Variants in ARSG observed in about 807,000 individuals in gnomAD.
The protein encoded by ARSG is arylsulfatase G.
In ARSG, 37 loss-of-function variants were observed where a neutral mutation model predicts 50.5. The observed-to-expected ratio is 0.73, with a 90% CI of 0.56 to 0.96. The LOEUF is 0.96. Ranked by LOEUF, ARSG falls within the 50% of genes least tolerant of loss-of-function variation. The pLI is 0.00. For missense variants in ARSG, 629 were observed against 675.3 expected (o/e 0.93, Z 0.76); for synonymous variants, 225 against 254.6 (o/e 0.88, Z 1.11).
downstream of ARSG, chr17:68,426,254 G>GGGGCCCCCCCCC: frequency 6.1e-6 from 5 of 816,898 alleles, no homozygotes; most frequent in Non-Finnish European, 7.8e-6. Flanking sequence ...GGGAGCGGGG[G>GGGGCCCCCCCCC]CTCAAATAAA....
At chr17:68,435,546 T>A in the ARSG span, 7 of 1,458,684 alleles carry the variant, frequency 4.8e-6, no homozygotes, top group Non-Finnish European at 6.7e-6. Flanking sequence ...CCAGGTTTGT[T>A]CAATCCCATC....
chr17:68,394,992 G>A, intron 9 of ARSG, 81 bp from the exon 10 acceptor site: 1 of 1,585,726 alleles, frequency 6.3e-7, no homozygotes, highest in Non-Finnish European at 8.6e-7. Flanking sequence ...GCTCTGGGCT[G>A]GTTCAGGTGG....
At chr17:68,426,247 A>AG (rs150170943), downstream of ARSG, 4,718 of 668,128 alleles carry the variant, frequency 7.1e-3, 318 homozygotes, top group African/African-American at 0.084. Flanking sequence ...GCGGGTGGGG[A>AG]GCGGGGGCTC....
intron 5 of ARSG, among the ~76,000 whole-genome samples, chr17:68,352,863 A>G (rs913478447): frequency 1.3e-5 from 2 of 151,834 alleles, no homozygotes; most frequent in Non-Finnish European, 1.5e-5. Flanking sequence ...GTATTTCCTA[A>G]GTATCCTGAG....
intron 1 of ARSG, among the ~76,000 whole-genome samples, chr17:68,283,550 G>C (rs1407603225): frequency 6.6e-6 from 1 of 151,120 alleles, no homozygotes; most frequent in Admixed American, 6.6e-5. Context: ...TGGGCACGGC[G>C]GCTCACGCCT....
chr17:68,300,203 C>T (rs1007075390), intron 1 of ARSG, among the ~76,000 whole-genome samples: 1 of 152,160 alleles, frequency 6.6e-6, no homozygotes, highest in Non-Finnish European at 1.5e-5. Flanking sequence ...GCCTCAGCCT[C>T]CCAAAGCGCT....
At chr17:68,428,678 G>A in the ARSG span, 1 of 622,160 alleles carries the variant, frequency 1.6e-6, no homozygotes, top group East Asian at 2.8e-5. Context: ...AGAGCCCGGT[G>A]CAGAGCACTT....
At chr17:68,278,141 A>G (rs1236910865) in intron 1 of ARSG, 1 of 1,614,076 alleles carries the variant, frequency 6.2e-7, no homozygotes, top group Non-Finnish European at 8.5e-7. Flanking sequence ...AGATCCTGCT[A>G]TTGGATTCAT....
intron 7 of ARSG, among the ~76,000 whole-genome samples, chr17:68,370,051 G>A (rs576680503): frequency 6.6e-5 from 10 of 152,204 alleles, no homozygotes; most frequent in Admixed American, 4.6e-4. Context: ...GTCTTGCTCC[G>A]TCACCCAGGC....
Position 68,321,437 on chromosome 17 carries a change from C to A in ARSG, c.218+13726C>A, listed in dbSNP as rs2077278330. Among the ~76,000 whole-genome samples, 2 of 152,134 alleles carry A rather than the reference C, an allele frequency of 1.3e-5. 1 individual carries two copies. Among genetic ancestry groups the A allele is most frequent in the South Asian group, 4.1e-4 (2 of 4,834 alleles). ...GTTTTATTTCAGCTACTTTCCAGTT[C>A]CCATCTCCCAACCCTGTCCCTTTAC... On this transcript the variant is annotated intron_variant, in intron 2 of 11. Coordinates refer to ENST00000621439, the MANE Select transcript of ARSG (RefSeq NM_001267727.2).
intron 10 of ARSG, among the ~76,000 whole-genome samples, chr17:68,398,346 TAGAG>T (rs1190755911): frequency 6.6e-6 from 1 of 152,156 alleles, no homozygotes; most frequent in Non-Finnish European, 1.5e-5. Context: ...GGCACATAAA[TAGAG>T]ATATACACAC....
chr17:68,373,609 A>G (rs550821493), intron 8 of ARSG, among the ~76,000 whole-genome samples: 4 of 152,330 alleles, frequency 2.6e-5, no homozygotes, highest in African/African-American at 9.6e-5. Flanking sequence ...GACTGTGGCC[A>G]TATCTTGTGT....
chr17:68,435,598 G>A, the ARSG span: 4 of 1,611,538 alleles, frequency 2.5e-6, no homozygotes, highest in African/African-American at 4.0e-5. Context: ...CCAGACAGAG[G>A]TGTTGGTGGG....
downstream of ARSG, among the ~76,000 whole-genome samples, chr17:68,424,290 C>T (rs1284665082): frequency 1.3e-5 from 2 of 152,192 alleles, no homozygotes; most frequent in African/African-American, 2.4e-5. Flanking sequence ...GCTCACGCTG[C>T]GACCGACCCG....
intron 5 of ARSG, among the ~76,000 whole-genome samples, chr17:68,353,577 G>A (rs2078898306): frequency 6.6e-6 from 1 of 152,190 alleles, no homozygotes; most frequent in Non-Finnish European, 1.5e-5. Context: ...TGAAAAGCGA[G>A]GCTATAGAGC....
chr17:68,437,956 A>AAAAAAAAAAAAC, the ARSG span, among the ~76,000 whole-genome samples: 1 of 75,712 alleles, frequency 1.3e-5, no homozygotes, highest in Non-Finnish European at 2.8e-5. Flanking sequence ...CTTAAAAAAA[A>AAAAAAAAAAAAC]AAAAAAAAAA....
In ARSG at chr17:68,259,382, C is replaced by G. The variant is rs1271673530; in HGVS notation, c.-596C>G. On this transcript the variant is annotated 5_prime_UTR_variant, in exon 1 of 12. Transcript: ENST00000448504. Reference sequence around the variant, plus strand: ...GTGTGAGAGCCACGTGTGCCGCGCTCTGGGCACAGCCTTGGAAAGTCAGGA... The same window carrying G: ...GTGTGAGAGCCACGTGTGCCGCGCTGTGGGCACAGCCTTGGAAAGTCAGGA... 5 of 152,232 alleles carry G rather than the reference C, an allele frequency of 3.3e-5. No homozygotes were observed. The East Asian group carries it at 9.6e-4, about 29-fold the overall frequency. The allele number at this position is 152,232 out of a possible 1,614,324, so 9.4% of individuals were successfully genotyped here.
intron 11 of ARSG, among the ~76,000 whole-genome samples, chr17:68,419,043 A>G (rs150417430): frequency 4.7e-5 from 7 of 149,238 alleles, no homozygotes; most frequent in African/African-American, 1.7e-4. Flanking sequence ...AAGTCATCGG[A>G]ATCATAAAGA....
chr17:68,277,239 C>T (rs2075553246), intron 1 of ARSG, among the ~76,000 whole-genome samples: 1 of 151,764 alleles, frequency 6.6e-6, no homozygotes, highest in Non-Finnish European at 1.5e-5. Context: ...TCACACGATT[C>T]TCCTACCTCA....
Sources: gnomAD v4.1 joint callset for allele counts (sites outside exome capture counted in the v4.1 genomes callset) on GRCh38, gnomAD v4.1.1 for gene constraint, MANE v1.5 for transcripts, NCBI Gene and HGNC (gene_info 2026-07-23, HGNC 2026-07-21) for gene names.